Variants in SPOCK3 observed in about 807,000 individuals in gnomAD.
SPOCK3 encodes testican-3.
A neutral mutation model predicts 56.6 loss-of-function variants in SPOCK3; 30 were observed. The ratio of observed to expected loss-of-function variants is 0.53; its 90% CI spans 0.40 to 0.72. The LOEUF (loss-of-function observed/expected upper bound fraction) is 0.72. SPOCK3 is among the 30% of genes least tolerant of loss of function. The pLI is 0.00. For synonymous variants in SPOCK3, 196 were observed against 183.3 expected, an observed-to-expected ratio of 1.07 and a Z score of -0.56; for missense variants, 527 against 530.0, an observed-to-expected ratio of 0.99 and a Z score of 0.06.
intron 4 of SPOCK3, among the ~76,000 whole-genome samples, chr4:166,977,183 AGTCT>A (rs1746043108): frequency 6.6e-6 from 1 of 152,032 alleles, no homozygotes; most frequent in African/African-American, 2.4e-5. Context: ...TCTTCTATTA[AGTCT>A]GTCTTTTTTA....
chr4:167,188,903 A>G (rs1219830787), intron 2 of SPOCK3, among the ~76,000 whole-genome samples: 1 of 146,544 alleles, frequency 6.8e-6, no homozygotes, highest in Non-Finnish European at 1.5e-5. Flanking sequence ...ACAAGAAAAG[A>G]GGTAACCTGA....
At chr4:167,205,907 C>G (rs1348380626) in intron 2 of SPOCK3, among the ~76,000 whole-genome samples, 1 of 151,636 alleles carries the variant, frequency 6.6e-6, no homozygotes, top group African/African-American at 2.4e-5. Context: ...CCGCATCCAG[C>G]CCCAAAATAA....
At chr4:166,744,879 G>A (rs1735369320) in intron 8 of SPOCK3, among the ~76,000 whole-genome samples, 2 of 152,070 alleles carry the variant, frequency 1.3e-5, no homozygotes, top group South Asian at 4.2e-4. Flanking sequence ...GTGGAAGAAA[G>A]GGTATCAGTG....
intron 2 of SPOCK3, among the ~76,000 whole-genome samples, chr4:167,135,613 C>T (rs990337608): frequency 6.6e-6 from 1 of 151,390 alleles, no homozygotes. Context: ...GATCAAAAAC[C>T]CAGAACATAT....
At chr4:167,187,880 A>G (rs1351241698) in intron 2 of SPOCK3, among the ~76,000 whole-genome samples, 1 of 152,164 alleles carries the variant, frequency 6.6e-6, no homozygotes, top group Admixed American at 6.6e-5. Context: ...TGCCTTAGAT[A>G]ATGTACAAAT....
chr4:167,090,312 CA>C (rs1166738575), intron 2 of SPOCK3, among the ~76,000 whole-genome samples: 21 of 152,050 alleles, frequency 1.4e-4, no homozygotes, highest in African/African-American at 5.1e-4. Context: ...CTTTTCACCC[CA>C]TTTTTTGGGT....
intron 2 of SPOCK3, among the ~76,000 whole-genome samples, chr4:167,112,330 C>A (rs893841956): frequency 2.6e-5 from 4 of 152,090 alleles, no homozygotes; most frequent in African/African-American, 9.7e-5. Flanking sequence ...AAGTATGCAA[C>A]TCCTGTCAGT....
At chr4:167,102,952 C>T (rs1759790322) in intron 2 of SPOCK3, among the ~76,000 whole-genome samples, 1 of 142,354 alleles carries the variant, frequency 7.0e-6, no homozygotes, top group Non-Finnish European at 1.5e-5. Context: ...AAAAAAGTCA[C>T]TCCTTCTTTC....
At chr4:166,872,435 A>C (rs1394436248) in intron 6 of SPOCK3, among the ~76,000 whole-genome samples, 2 of 152,170 alleles carry the variant, frequency 1.3e-5, no homozygotes, top group Non-Finnish European at 2.9e-5. Flanking sequence ...ACGGAAAAAC[A>C]AAAACAAACT....
chr4:166,847,172 T>C (rs964218252), intron 6 of SPOCK3, among the ~76,000 whole-genome samples: 4 of 152,126 alleles, frequency 2.6e-5, no homozygotes, highest in Non-Finnish European at 5.9e-5. Flanking sequence ...GGTCATATGA[T>C]GGAGGAAATA....
At chr4:166,893,903 T>C (rs1228304359) in intron 5 of SPOCK3, among the ~76,000 whole-genome samples, 3 of 152,102 alleles carry the variant, frequency 2.0e-5, no homozygotes, top group Non-Finnish European at 4.4e-5. Context: ...GAAAACACCG[T>C]TCACTAAAGT....
intron 7 of SPOCK3, among the ~76,000 whole-genome samples, chr4:166,789,394 A>G (rs1399362735): frequency 6.6e-6 from 1 of 152,144 alleles, no homozygotes; most frequent in Admixed American, 6.5e-5. Flanking sequence ...ACGCCATTGC[A>G]CTCTAGCCTG....
intron 2 of SPOCK3, among the ~76,000 whole-genome samples, chr4:167,098,334 G>A (rs1359206131): frequency 6.6e-6 from 1 of 151,788 alleles, no homozygotes; most frequent in African/African-American, 2.4e-5. Context: ...GACTTATAGG[G>A]CTTGCCCAAT....
At chr4:166,953,442 C>G (rs371091803) in intron 4 of SPOCK3, among the ~76,000 whole-genome samples, 1 of 151,052 alleles carries the variant, frequency 6.6e-6, no homozygotes, top group South Asian at 2.1e-4. Context: ...ACAACAGGTG[C>G]TGGAGAGGAT....
At chr4:166,998,715 T>C (rs1466444878) in intron 4 of SPOCK3, among the ~76,000 whole-genome samples, 1 of 152,136 alleles carries the variant, frequency 6.6e-6, no homozygotes, top group Non-Finnish European at 1.5e-5. Flanking sequence ...TTCAAAGCTG[T>C]TAAATGTCTG....
intron 2 of SPOCK3, among the ~76,000 whole-genome samples, chr4:167,165,622 GA>G (rs1326879395): frequency 2.0e-5 from 3 of 152,010 alleles, no homozygotes; most frequent in African/African-American, 7.2e-5. Context: ...TCAATTCCTA[GA>G]AATTAGAAAC....
At chr4:166,744,957 GAAC>G (rs1204454405) in intron 8 of SPOCK3, among the ~76,000 whole-genome samples, 2 of 152,030 alleles carry the variant, frequency 1.3e-5, no homozygotes, top group Non-Finnish European at 2.9e-5. Context: ...AAAAATAAAC[GAAC>G]AAAGCCTCCA....
chr4:167,192,142 A>C (rs1732521740), intron 2 of SPOCK3, among the ~76,000 whole-genome samples: 1 of 145,948 alleles, frequency 6.9e-6, no homozygotes, highest in Non-Finnish European at 1.5e-5. Context: ...ATTTGTTCAT[A>C]GTATATGGTC....
intron 4 of SPOCK3, among the ~76,000 whole-genome samples, chr4:166,943,870 G>A (rs886681991): frequency 1.2e-4 from 19 of 152,192 alleles, no homozygotes; most frequent in Admixed American, 5.9e-4. Flanking sequence ...AATAGGCCAC[G>A]CACAGTGGCT....
Sources: gnomAD v4.1 joint callset for allele counts (sites outside exome capture counted in the v4.1 genomes callset) on GRCh38, gnomAD v4.1.1 for gene constraint, MANE v1.5 for transcripts, NCBI Gene and HGNC (gene_info 2026-07-23, HGNC 2026-07-21) for gene names.